Variants in ANKS1B observed in about 807,000 individuals in gnomAD.
ANKS1B encodes the protein ankyrin repeat and sterile alpha motif domain-containing protein 1B.
Under a neutral mutation model 148.3 loss-of-function variants are expected in ANKS1B, and 36 were observed. The observed-to-expected ratio is 0.24, with a 90% CI of 0.19 to 0.32. The LOEUF (loss-of-function observed/expected upper bound fraction) is 0.32. Ranked by LOEUF, ANKS1B falls within the 10% of genes least tolerant of loss-of-function variation. ANKS1B has a pLI of 1.00. For synonymous variants in ANKS1B, 542 were observed against 560.8 expected (o/e 0.97, Z 0.47); for missense variants, 1,157 against 1,542.6 (o/e 0.75, Z 4.19).
At position 99,563,682 on chromosome 12, in the gene ANKS1B, C is replaced by T. The variant is rs190313127; in HGVS notation, c.1273-59041G>A. On this transcript the variant is annotated intron_variant, in intron 9 of 26. Transcript: ENST00000683438. ...AACAAAATGGAACACAGAGCAAATG[C>T]TGTTGGAAATATGTCACCAATAGAT... 1.1e-4 allele frequency among the ~76,000 whole-genome samples: 17 copies of T among 152,248 alleles called. No individual in the cohort carries two copies. The East Asian group carries it at 3.3e-3, about 29-fold the overall frequency.
chr12:99,486,847 G>C (rs2096496170), intron 10 of ANKS1B, among the ~76,000 whole-genome samples: 1 of 152,156 alleles, frequency 6.6e-6, no homozygotes, highest in Non-Finnish European at 1.5e-5. Flanking sequence ...AAGTGACTCT[G>C]TGTCTTATGC....
intron 9 of ANKS1B, among the ~76,000 whole-genome samples, chr12:99,560,845 T>TC (rs1434464085): frequency 3.3e-5 from 4 of 122,244 alleles, no homozygotes; most frequent in African/African-American, 1.5e-4. Flanking sequence ...TTTTTCTTTT[T>TC]TTTTTTTTTT....
intron 8 of ANKS1B, among the ~76,000 whole-genome samples, chr12:99,693,328 G>A (rs754076828): frequency 6.6e-6 from 1 of 152,102 alleles, no homozygotes; most frequent in African/African-American, 2.4e-5. Flanking sequence ...TGGTTGTGAT[G>A]GACTGCCCAT....
At chr12:98,883,235 A>T (rs1358468931) in intron 17 of ANKS1B, among the ~76,000 whole-genome samples, 1 of 152,242 alleles carries the variant, frequency 6.6e-6, no homozygotes, top group Non-Finnish European at 1.5e-5. Flanking sequence ...TTTGCTAAAA[A>T]TCTGGATTCC....
intron 17 of ANKS1B, among the ~76,000 whole-genome samples, chr12:98,964,020 C>A (rs2099875683): frequency 6.6e-6 from 1 of 152,060 alleles, no homozygotes; most frequent in African/African-American, 2.4e-5. Flanking sequence ...ATTGCTTGAA[C>A]CTGGGAGGTG....
chr12:99,398,743 C>T (rs79101208), intron 12 of ANKS1B, among the ~76,000 whole-genome samples: 2,449 of 152,192 alleles, frequency 0.016, 68 homozygotes, highest in African/African-American at 0.056. Flanking sequence ...TACCCATAGC[C>T]ATCACTTACC....
chr12:99,463,920 C>A (rs1000910147), intron 10 of ANKS1B, among the ~76,000 whole-genome samples: 3 of 152,204 alleles, frequency 2.0e-5, no homozygotes, highest in African/African-American at 7.2e-5. Context: ...CCCTGTCTGA[C>A]AGCTTTGAAG....
At chr12:98,735,363 G>T (rs1026330077) in exon 10 of ANKS1B, 3 of 427,914 alleles carry the variant, frequency 7.0e-6, no homozygotes, top group Admixed American at 7.9e-5. Flanking sequence ...TTTTGCCTTG[G>T]TATACATTTT....
intron 9 of ANKS1B, among the ~76,000 whole-genome samples, chr12:99,545,877 T>C (rs1043950548): frequency 5.3e-5 from 8 of 151,776 alleles, no homozygotes; most frequent in African/African-American, 1.9e-4. Context: ...CCAATAACAT[T>C]TGCCTTCCTT....
At chr12:99,223,267 G>A (rs116009508) in intron 14 of ANKS1B, among the ~76,000 whole-genome samples, 6 of 152,170 alleles carry the variant, frequency 3.9e-5, no homozygotes, top group East Asian at 1.9e-4. Context: ...ATCAGGGACC[G>A]GTGTTATGGA....
chr12:99,135,069 C>G (rs188979210), intron 15 of ANKS1B, among the ~76,000 whole-genome samples: 132 of 152,246 alleles, frequency 8.7e-4, no homozygotes, highest in Non-Finnish European at 1.6e-3. Flanking sequence ...TAACCTCTAA[C>G]TGGTGTTTCT....
intron 12 of ANKS1B, among the ~76,000 whole-genome samples, chr12:99,392,821 A>G (rs1466163866): frequency 2.0e-5 from 3 of 152,092 alleles, no homozygotes; most frequent in Non-Finnish European, 4.4e-5. Context: ...AAATTATCAC[A>G]TGGCTTCCTC....
intron 9 of ANKS1B, among the ~76,000 whole-genome samples, chr12:99,563,969 A>C (rs1472185339): frequency 6.6e-6 from 1 of 152,174 alleles, no homozygotes; most frequent in Non-Finnish European, 1.5e-5. Flanking sequence ...CAAGATTTCT[A>C]GATATAGTTA....
intron 8 of ANKS1B, among the ~76,000 whole-genome samples, chr12:99,670,087 G>GC (rs11417091): frequency 0.12 from 18,817 of 151,916 alleles, 1,759 homozygotes; most frequent in East Asian, 0.46. Flanking sequence ...ACCTTTAAAG[G>GC]TTTGACAAAA....
intron 4 of ANKS1B, among the ~76,000 whole-genome samples, chr12:99,793,290 T>C (rs1377855969): frequency 2.0e-5 from 3 of 152,028 alleles, no homozygotes; most frequent in Non-Finnish European, 4.4e-5. Flanking sequence ...TTCAATGCAA[T>C]ACCTATCAAC....
At chr12:99,083,503 A>G (rs1423161691) in intron 16 of ANKS1B, among the ~76,000 whole-genome samples, 2 of 152,124 alleles carry the variant, frequency 1.3e-5, no homozygotes, top group Non-Finnish European at 2.9e-5. Flanking sequence ...CCTCAGCCTG[A>G]CACACACTGA....
intron 8 of ANKS1B, among the ~76,000 whole-genome samples, chr12:99,688,892 A>AG (rs1477729420): frequency 1.3e-5 from 2 of 152,026 alleles, no homozygotes; most frequent in African/African-American, 2.4e-5. Flanking sequence ...AAAAAAAAAA[A>AG]AGAGAGAAAA....
intron 1 of ANKS1B, among the ~76,000 whole-genome samples, chr12:99,838,024 A>G (rs1201857046): frequency 1.3e-5 from 2 of 152,114 alleles, no homozygotes; most frequent in African/African-American, 2.4e-5. Context: ...ATAAGTGAGA[A>G]CATGTGGTAT....
chr12:99,406,210 C>G (rs2094528410), intron 11 of ANKS1B, among the ~76,000 whole-genome samples: 1 of 145,132 alleles, frequency 6.9e-6, no homozygotes, highest in African/African-American at 2.6e-5. Context: ...TGAACAGTTA[C>G]AGAATATACA....
Sources: gnomAD v4.1 joint callset for allele counts (sites outside exome capture counted in the v4.1 genomes callset) on GRCh38, gnomAD v4.1.1 for gene constraint, MANE v1.5 for transcripts, NCBI Gene and HGNC (gene_info 2026-07-23, HGNC 2026-07-21) for gene names.